The following C12orf42 variants were observed in gnomAD, a reference collection of about 807,000 sequenced individuals.
The protein encoded by C12orf42 is uncharacterized protein C12orf42.
Under a neutral mutation model 21.6 loss-of-function variants are expected in C12orf42, and 25 were observed. The ratio of observed to expected loss-of-function variants is 1.16; its 90% CI spans 0.84 to 1.62. The LOEUF is 1.62. C12orf42 is among the 40% of genes most tolerant of loss of function. The pLI is 0.00. For synonymous variants in C12orf42, 174 were observed against 175.0 expected (o/e 0.99, Z 0.05); for missense variants, 483 against 459.3 (o/e 1.05, Z -0.47).
chr12:103,079,363 A>G, the C12orf42 span, among the ~76,000 whole-genome samples: 1 of 152,316 alleles, frequency 6.6e-6, no homozygotes, highest in African/African-American at 2.4e-5. Flanking sequence ...TATAGTAACT[A>G]GACAGAAATA....
chr12:103,428,998 C>A (rs1193913563), intron 2 of C12orf42, among the ~76,000 whole-genome samples: 2 of 152,094 alleles, frequency 1.3e-5, no homozygotes, highest in African/African-American at 4.8e-5. Flanking sequence ...TATGACAAAC[C>A]CACAGCCAAT....
chr12:103,487,167 T>C lies in C12orf42; in HGVS notation c.-21-8720A>G, dbSNP rs139017520. The stretch of plus-strand genomic sequence containing the variant: ...CTGGTATGTTGTGACTTTGTTCTCA[T>C]TGGTTTCAAAGAACATCTTTATTTC... On this transcript the variant is annotated intron_variant, in intron 1 of 5. Coordinates refer to ENST00000548883, the MANE Select transcript of C12orf42 (RefSeq NM_198521.5). Among the ~76,000 whole-genome samples the C allele has an allele frequency of 4.2e-3, 641 of 152,334 alleles. 5 individuals carry two copies. Among genetic ancestry groups the C allele is most frequent in the African/African-American group, 0.015 (611 of 41,574 alleles).
the C12orf42 span, among the ~76,000 whole-genome samples, chr12:103,160,911 T>C: frequency 1.3e-5 from 2 of 152,224 alleles, no homozygotes; most frequent in African/African-American, 4.8e-5. Context: ...ACAGTCACCC[T>C]GTGGAGTAAT....
chr12:103,445,052 T>C (rs1190968412), intron 2 of C12orf42, among the ~76,000 whole-genome samples: 1 of 152,044 alleles, frequency 6.6e-6, no homozygotes, highest in Non-Finnish European at 1.5e-5. Flanking sequence ...AAAAAACTGT[T>C]ACGAATCATG....
At chr12:103,478,080 A>G (rs1954191682) in intron 2 of C12orf42, 1 of 333,484 alleles carries the variant, frequency 3.0e-6, no homozygotes. Flanking sequence ...TAACATAAGA[A>G]ATAAATAATA....
chr12:103,088,318 A>G, the C12orf42 span, among the ~76,000 whole-genome samples: 1 of 152,204 alleles, frequency 6.6e-6, no homozygotes, highest in Admixed American at 6.5e-5. Flanking sequence ...ATTTTTGTTG[A>G]AAGGAGGAAT....
chr12:103,390,870 A>G (rs890536241), intron 3 of C12orf42, among the ~76,000 whole-genome samples: 3 of 152,172 alleles, frequency 2.0e-5, no homozygotes, highest in South Asian at 2.1e-4. Flanking sequence ...GCCCACCCCC[A>G]TTGATAAGGA....
intron 1 of C12orf42, among the ~76,000 whole-genome samples, chr12:103,490,644 C>CA (rs1281769829): frequency 6.6e-6 from 1 of 151,894 alleles, no homozygotes; most frequent in Non-Finnish European, 1.5e-5. Context: ...AGAATAATGG[C>CA]AATGATAGGT....
chr12:103,322,206 A>G (rs1020326849), intron 4 of C12orf42, among the ~76,000 whole-genome samples: 1 of 152,114 alleles, frequency 6.6e-6, no homozygotes, highest in Non-Finnish European at 1.5e-5. Flanking sequence ...AGTAGTTTAA[A>G]TGAGAACTTC....
At chr12:103,430,609 C>T (rs183081082) in intron 2 of C12orf42, among the ~76,000 whole-genome samples, 3 of 152,326 alleles carry the variant, frequency 2.0e-5, no homozygotes, top group Admixed American at 6.5e-5. Context: ...AAACCCATTA[C>T]TGGGTATATA....
At chr12:103,213,421 T>C in the C12orf42 span, among the ~76,000 whole-genome samples, 1 of 152,170 alleles carries the variant, frequency 6.6e-6, no homozygotes, top group Non-Finnish European at 1.5e-5. Flanking sequence ...TAGGCATCTC[T>C]CCCCAAATCA....
chr12:103,521,123 A>G, the C12orf42 span, among the ~76,000 whole-genome samples: 1 of 152,198 alleles, frequency 6.6e-6, no homozygotes, highest in East Asian at 1.9e-4. Context: ...AACGCAACGT[A>G]TGGCACTGTG....
chr12:103,255,771 G>A (rs529011751), intron 10 of C12orf42, among the ~76,000 whole-genome samples: 1 of 151,568 alleles, frequency 6.6e-6, no homozygotes, highest in African/African-American at 2.4e-5. Flanking sequence ...AGAATATATG[G>A]CCGGGCGCGA....
the C12orf42 span, among the ~76,000 whole-genome samples, chr12:103,182,949 A>T: frequency 2.6e-5 from 4 of 152,196 alleles, no homozygotes; most frequent in African/African-American, 9.7e-5. Flanking sequence ...ATGCAGTTTC[A>T]AGTATTTACC....
chr12:103,055,228 A>T, the C12orf42 span, among the ~76,000 whole-genome samples: 1 of 151,952 alleles, frequency 6.6e-6, no homozygotes, highest in Non-Finnish European at 1.5e-5. Context: ...TTTCAACATT[A>T]TAAAATAAGT....
the C12orf42 span, among the ~76,000 whole-genome samples, chr12:103,195,004 T>A: frequency 1.3e-5 from 2 of 152,282 alleles, no homozygotes; most frequent in South Asian, 4.1e-4. Context: ...TGTGTCAATA[T>A]GAACTCAGTG....
chr12:103,387,233 A>G (rs1181377503), intron 3 of C12orf42, among the ~76,000 whole-genome samples: 1 of 152,156 alleles, frequency 6.6e-6, no homozygotes, highest in Non-Finnish European at 1.5e-5. Context: ...TATTGCCTCA[A>G]GATCTTTGCA....
chr12:103,437,612 G>A (rs1331676852), intron 2 of C12orf42, among the ~76,000 whole-genome samples: 1 of 151,970 alleles, frequency 6.6e-6, no homozygotes, highest in Non-Finnish European at 1.5e-5. Context: ...TACCATCAGA[G>A]AATACTACAA....
At chr12:103,355,947 T>A (rs188508418) in intron 4 of C12orf42, among the ~76,000 whole-genome samples, 2 of 152,084 alleles carry the variant, frequency 1.3e-5, no homozygotes, top group East Asian at 3.9e-4. Context: ...ACTTTAACTA[T>A]ATTGTGACAT....
Sources: allele counts gnomAD v4.1 joint callset (sites outside exome capture counted in the v4.1 genomes callset), GRCh38; gene constraint gnomAD v4.1.1; transcripts MANE v1.5; gene names NCBI Gene and HGNC (gene_info 2026-07-23, HGNC 2026-07-21).